The following BMPR1A variants were observed in gnomAD, a reference collection of about 807,000 sequenced individuals.
BMPR1A encodes bone morphogenetic protein receptor type 1A.
In BMPR1A, 7 loss-of-function variants were observed where a neutral mutation model predicts 66.0. The ratio of observed to expected loss-of-function variants is 0.11; its 90% CI spans 0.06 to 0.20. The LOEUF (loss-of-function observed/expected upper bound fraction) is 0.20, where lower values mean the gene tolerates loss of function less well. Ranked by LOEUF, BMPR1A falls within the 10% of genes least tolerant of loss-of-function variation. BMPR1A has a pLI of 1.00. For missense variants in BMPR1A, 408 were observed against 669.1 expected, an observed-to-expected ratio of 0.61 and a Z score of 4.31; for synonymous variants, 200 against 229.7, an observed-to-expected ratio of 0.87 and a Z score of 1.17.
intron 1 of BMPR1A, among the ~76,000 whole-genome samples, chr10:86,780,484 G>C (rs976979885): frequency 6.6e-6 from 1 of 152,162 alleles, no homozygotes; most frequent in South Asian, 2.1e-4. Flanking sequence ...GCTCAGGCTG[G>C]AGTGCAGTGG....
At chr10:86,930,693 A>G (rs1305258141), downstream of BMPR1A, 2 of 152,152 alleles carry the variant, frequency 1.3e-5, no homozygotes, top group Non-Finnish European at 2.9e-5. Context: ...TCAATTCCAT[A>G]TCTCTCAATG....
At chr10:86,815,793 C>T (rs957776684) in intron 1 of BMPR1A, among the ~76,000 whole-genome samples, 3 of 152,146 alleles carry the variant, frequency 2.0e-5, no homozygotes, top group Admixed American at 2.0e-4. Flanking sequence ...TTCTTTAGTC[C>T]CAGGCTGATG....
At chr10:86,773,856 T>TTTC (rs1284573871) in intron 1 of BMPR1A, among the ~76,000 whole-genome samples, 1 of 146,598 alleles carries the variant, frequency 6.8e-6, no homozygotes, top group Non-Finnish European at 1.5e-5. Context: ...ATTTCATTCT[T>TTTC]TTTTTTTTTT....
At chr10:86,763,566 G>T (rs1005866995) in intron 1 of BMPR1A, among the ~76,000 whole-genome samples, 2 of 152,164 alleles carry the variant, frequency 1.3e-5, no homozygotes, top group Non-Finnish European at 2.9e-5. Flanking sequence ...GACATCACTG[G>T]ACTTCTGACT....
chr10:86,872,353 A>T (rs1034333287), intron 2 of BMPR1A, among the ~76,000 whole-genome samples: 2 of 152,182 alleles, frequency 1.3e-5, no homozygotes, highest in East Asian at 3.8e-4. Flanking sequence ...ATATATATAA[A>T]ATCAGGCAGG....
intron 2 of BMPR1A, among the ~76,000 whole-genome samples, chr10:86,866,238 T>G (rs1564707531): frequency 1.4e-5 from 2 of 147,162 alleles, no homozygotes; most frequent in Non-Finnish European, 3.0e-5. Flanking sequence ...TTTTTTTTTT[T>G]GGCTGAAAAG....
At chr10:86,762,888 T>C (rs1289094651) in intron 1 of BMPR1A, among the ~76,000 whole-genome samples, 1 of 151,816 alleles carries the variant, frequency 6.6e-6, no homozygotes, top group East Asian at 1.9e-4. Flanking sequence ...TTTTTGGAAG[T>C]ATTCAGTAGT....
rs1781122315 is a variant in BMPR1A at position 86,819,315 on chromosome 10, A to G, written c.-267-19550A>G. 2.0e-5 allele frequency among the ~76,000 whole-genome samples: 3 copies of G among 151,844 alleles called. No homozygotes were observed. In the South Asian group the frequency reaches 6.2e-4, roughly 32 times the overall value. Reference sequence around the variant, plus strand: ...AGAATTTGAGATCTTTACAACTTGAATTTTCTTTTTTTTCTTTTTGAGTCT... The same window carrying G: ...AGAATTTGAGATCTTTACAACTTGAGTTTTCTTTTTTTTCTTTTTGAGTCT... On this transcript the variant is annotated intron_variant, in intron 1 of 12. Coordinates refer to ENST00000372037, the MANE Select transcript of BMPR1A (RefSeq NM_004329.3).
At chr10:86,869,456 CAAAAAA>C (rs56797101) in intron 2 of BMPR1A, among the ~76,000 whole-genome samples, 1,751 of 108,708 alleles carry the variant, frequency 0.016, 46 homozygotes, top group African/African-American at 0.053. Flanking sequence ...GACTCTGTCT[CAAAAAA>C]AAAAAAAAAA....
intron 2 of BMPR1A, among the ~76,000 whole-genome samples, chr10:86,844,538 T>C (rs1338224924): frequency 6.6e-6 from 1 of 152,246 alleles, no homozygotes; most frequent in Non-Finnish European, 1.5e-5. Context: ...AAGTTAATTA[T>C]ATAAAACTGG....
At chr10:86,904,625 G>A (rs190484350) in intron 7 of BMPR1A, among the ~76,000 whole-genome samples, 2 of 152,270 alleles carry the variant, frequency 1.3e-5, no homozygotes, top group Admixed American at 6.5e-5. Context: ...GGAAAGACAG[G>A]CCAGGTGAAG....
chr10:86,905,487 T>C (rs1404027155), intron 7 of BMPR1A, among the ~76,000 whole-genome samples: 1 of 152,218 alleles, frequency 6.6e-6, no homozygotes, highest in Non-Finnish European at 1.5e-5. Flanking sequence ...AGAGATTACT[T>C]AACCATTAAT....
intron 3 of BMPR1A, among the ~76,000 whole-genome samples, chr10:86,883,549 CAAAAAAAAA>C (rs71019436): frequency 4.4e-5 from 2 of 45,412 alleles, no homozygotes; most frequent in African/African-American, 7.1e-5. Flanking sequence ...GACTCCGTCT[CAAAAAAAAA>C]AAAAAAAAAA....
At position 86,790,186 on chromosome 10, in the gene BMPR1A, AAAATATATATATATATATAT is replaced by A. The variant is rs1182592122; in HGVS notation, c.-268+33269_-268+33288del. Among the ~76,000 whole-genome samples, 25 of 31,314 alleles carry A rather than the reference AAAATATATATATATATATAT, an allele frequency of 8.0e-4. 6 individuals are homozygous for A. The East Asian group carries it at 0.013, about 16-fold the overall frequency. The allele number at this position is 31,314 out of a possible 152,430, so 20.5% of individuals were successfully genotyped here. On this transcript the variant is annotated intron_variant, in intron 1 of 12. Coordinates refer to ENST00000372037, the MANE Select transcript of BMPR1A (RefSeq NM_004329.3). ...CCAAAAAAAAAAAAAAAAAAAAAAA[AAAATATATATATATATATAT>A]ATATATATATATATATATATATATA... is the stretch of plus-strand genomic sequence containing the variant.
intron 3 of BMPR1A, among the ~76,000 whole-genome samples, chr10:86,876,324 G>A (rs546168836): frequency 2.6e-5 from 4 of 152,230 alleles, no homozygotes; most frequent in African/African-American, 4.8e-5. Flanking sequence ...CAACATAGGC[G>A]TAATGATACA....
chr10:86,780,685 C>T (rs770474763), intron 1 of BMPR1A, among the ~76,000 whole-genome samples: 8 of 151,606 alleles, frequency 5.3e-5, no homozygotes, highest in Non-Finnish European at 8.8e-5. Context: ...CTCCTGCCTC[C>T]GCCTCCCAAA....
chr10:86,902,591 A>G (rs1171252884), intron 7 of BMPR1A, among the ~76,000 whole-genome samples: 2 of 152,224 alleles, frequency 1.3e-5, no homozygotes, highest in Admixed American at 1.3e-4. Context: ...TGGTCCAGGC[A>G]GATTATCTTA....
At chr10:86,864,793 C>T (rs747576946) in intron 2 of BMPR1A, among the ~76,000 whole-genome samples, 4 of 152,064 alleles carry the variant, frequency 2.6e-5, no homozygotes, top group Non-Finnish European at 5.9e-5. Context: ...CATCCAAAAC[C>T]GTATCCAGGC....
In BMPR1A at chr10:86,890,048, A is replaced by G. The variant is rs1176229658; in HGVS notation, c.68-14A>G. On this transcript the variant is annotated splice_polypyrimidine_tract_variant and intron_variant, in intron 3 of 12. Transcript: ENST00000372037. Reference sequence around the variant, plus strand: ...CAGAAATGATTTACTTACAAATTCCATATTTGAATGCAGGACAGAATCTGG... The same window carrying G: ...CAGAAATGATTTACTTACAAATTCCGTATTTGAATGCAGGACAGAATCTGG... 7 of 1,612,216 alleles carry G rather than the reference A, an allele frequency of 4.3e-6. No homozygotes were observed. Among genetic ancestry groups the G allele is most frequent in the East Asian group, 2.2e-5 (1 of 44,856 alleles).
Sources: allele counts gnomAD v4.1 joint callset (sites outside exome capture counted in the v4.1 genomes callset), GRCh38; gene constraint gnomAD v4.1.1; transcripts MANE v1.5; gene names NCBI Gene and HGNC (gene_info 2026-07-23, HGNC 2026-07-21).